MMP26: variants seen among roughly 807,000 people sequenced by gnomAD.
MMP26 encodes matrix metalloproteinase-26.
MMP26 carries 33 observed loss-of-function variants against 31.0 expected under a neutral mutation model. The observed-to-expected ratio is 1.06, with a 90% confidence interval of 0.81 to 1.42. The LOEUF (loss-of-function observed/expected upper bound fraction) is 1.42, where lower values mean the gene tolerates loss of function less well. Ranked by LOEUF, MMP26 falls within the 40% of genes most tolerant of loss-of-function variation. The pLI, the probability that MMP26 is intolerant of heterozygous loss-of-function variation, is 0.00. For synonymous variants in MMP26, 122 were observed against 114.9 expected, an observed-to-expected ratio of 1.06 and a Z score of -0.40; for missense variants, 347 against 316.1, an observed-to-expected ratio of 1.10 and a Z score of -0.74.
intron 2 of MMP26, chr11:4,882,613 A>T (rs748966361): frequency 4.3e-6 from 7 of 1,613,936 alleles, no homozygotes; most frequent in Non-Finnish European, 5.9e-6. Flanking sequence ...AGCAACAAAA[A>T]GCTCTCAGCA....
intron 2 of MMP26, among the ~76,000 whole-genome samples, chr11:4,795,558 C>T (rs1408120218): frequency 3.3e-5 from 5 of 152,120 alleles, no homozygotes; most frequent in African/African-American, 1.2e-4. Context: ...TAATGTTTAT[C>T]AATCACAAGC....
intron 1 of MMP26, among the ~76,000 whole-genome samples, chr11:4,707,801 T>C (rs74052047): frequency 0.014 from 2,178 of 152,326 alleles, 50 homozygotes; most frequent in African/African-American, 0.048. Flanking sequence ...ATTCATTCAT[T>C]TAATAGATAC....
At chr11:4,947,517 A>G (rs2133608345) in intron 2 of MMP26, 1 of 140,094 alleles carries the variant, frequency 7.1e-6, no homozygotes, top group Admixed American at 7.9e-5. Flanking sequence ...AATGAAAGCT[A>G]AATAAATGAG....
At chr11:4,961,379 G>T (rs965853531) in intron 2 of MMP26, among the ~76,000 whole-genome samples, 36 of 152,268 alleles carry the variant, frequency 2.4e-4, no homozygotes, top group Non-Finnish European at 1.2e-4. Flanking sequence ...GCAACATTGA[G>T]GGTAGATATT....
intron 2 of MMP26, among the ~76,000 whole-genome samples, chr11:4,767,941 C>A (rs1225289016): frequency 6.6e-6 from 1 of 152,080 alleles, no homozygotes; most frequent in Non-Finnish European, 1.5e-5. Context: ...AAAGAGTTAC[C>A]ATAAGTTCGT....
At chr11:4,811,057 T>C (rs1589908113) in intron 2 of MMP26, among the ~76,000 whole-genome samples, 1 of 152,176 alleles carries the variant, frequency 6.6e-6, no homozygotes, top group African/African-American at 2.4e-5. Flanking sequence ...TTTTCATCTA[T>C]CAGCCTACAA....
At position 4,911,900 on chromosome 11, in the gene MMP26, T is replaced by A. The variant is rs187103328; in HGVS notation, c.-144-76168T>A. On this transcript the variant is annotated intron_variant, in intron 2 of 7. Transcript: ENST00000380390. ...TTTTGCCCACTATATTCCTATAATG[T>A]GTGCTTAGAGAGAGAAGAACACTCA... Among the ~76,000 whole-genome samples the A allele has an allele frequency of 5.0e-4, 76 of 152,324 alleles. 1 individual carries two copies. Among genetic ancestry groups the A allele is most frequent in the African/African-American group, 1.6e-3 (65 of 41,592 alleles).
chr11:4,948,315 T>C (rs1447545231), intron 2 of MMP26, among the ~76,000 whole-genome samples: 1 of 124,980 alleles, frequency 8.0e-6, no homozygotes, highest in Non-Finnish European at 1.8e-5. Context: ...AATCTTGAAA[T>C]TTTTTAAATA....
chr11:4,946,753 G>A, intron 2 of MMP26: 4 of 1,588,426 alleles, frequency 2.5e-6, no homozygotes, highest in Non-Finnish European at 3.4e-6. Flanking sequence ...TGATCAGGAG[G>A]ACTGAGGACT....
intron 2 of MMP26, chr11:4,914,646 C>T (rs1851045228): frequency 1.0e-6 from 1 of 955,204 alleles, no homozygotes; most frequent in East Asian, 2.6e-5. Flanking sequence ...TTATTTTATG[C>T]ATGTTAGAAA....
chr11:4,925,763 G>A (rs1292251206), intron 2 of MMP26, among the ~76,000 whole-genome samples: 1 of 118,770 alleles, frequency 8.4e-6, no homozygotes, highest in African/African-American at 3.1e-5. Flanking sequence ...AGCCACCACT[G>A]TTAACTACAA....
In MMP26 at chr11:4,992,015, T is replaced by G. The variant is rs1238509139; in HGVS notation, c.647T>G (p.Leu216Arg). ...CATGAGATTGGGCATTCTTTGGGCCTGCAGCACTCTGGGAATCAGAGCTCC... is the reference window on the plus strand; with the variant it reads ...CATGAGATTGGGCATTCTTTGGGCCGGCAGCACTCTGGGAATCAGAGCTCC... ...ATHEIGHSLG[L>R]QHSGNQSSIM... Residue 216 changes from leucine to arginine, a missense_variant, in exon 7 of 8, where the codon CTG becomes CGG. Transcript: ENST00000380390. The G allele has an allele frequency of 1.2e-6, 2 of 1,613,906 alleles. No individual in the cohort carries two copies. Among genetic ancestry groups the G allele is most frequent in the Admixed American group, 3.3e-5 (2 of 59,962 alleles).
intron 2 of MMP26, among the ~76,000 whole-genome samples, chr11:4,780,389 G>T (rs1848842802): frequency 6.6e-6 from 1 of 152,074 alleles, no homozygotes; most frequent in Non-Finnish European, 1.5e-5. Context: ...ATATGTAGTG[G>T]TGTTATGTTA....
intron 2 of MMP26, chr11:4,803,566 G>A (rs1313005398): frequency 4.3e-6 from 7 of 1,613,830 alleles, no homozygotes; most frequent in Non-Finnish European, 5.9e-6. Flanking sequence ...TACAACTCGG[G>A]GCACATCATG....
chr11:4,789,616 C>G (rs974467199), intron 2 of MMP26, among the ~76,000 whole-genome samples: 1 of 134,144 alleles, frequency 7.5e-6, no homozygotes, highest in Non-Finnish European at 1.5e-5. Flanking sequence ...TCTCGGCTCA[C>G]TGCAACCTCT....
chr11:4,761,471 G>A (rs371384646), intron 1 of MMP26, among the ~76,000 whole-genome samples: 9 of 152,274 alleles, frequency 5.9e-5, no homozygotes, highest in Non-Finnish European at 5.9e-5. Context: ...GCTGGGATAA[G>A]TGTGCCTCTG....
chr11:4,767,444 C>T (rs1044563225), intron 2 of MMP26, 103 bp downstream of exon 2: 2 of 152,114 alleles, frequency 1.3e-5, no homozygotes, highest in Non-Finnish European at 2.9e-5. Flanking sequence ...TTTTAACCTT[C>T]GTGAGTGCAC....
At position 4,905,386 on chromosome 11, in the gene MMP26, T is replaced by C. The variant is rs1451924440; in HGVS notation, c.-144-82682T>C. Among the ~76,000 whole-genome samples, 4 of 152,162 alleles carry C rather than the reference T, an allele frequency of 2.6e-5. No individual in the cohort carries two copies. In the South Asian group the frequency reaches 8.3e-4, roughly 32 times the overall value. ...TAGTACCTAGCAAAAGTAAAATATA[T>C]TGGCCCAAGGCTGCTTGTTATTTAC... On this transcript the variant is annotated intron_variant, in intron 2 of 7. Transcript: ENST00000380390.
At chr11:4,939,709 AC>A (rs1226169147) in intron 2 of MMP26, among the ~76,000 whole-genome samples, 1 of 152,058 alleles carries the variant, frequency 6.6e-6, no homozygotes, top group African/African-American at 2.4e-5. Flanking sequence ...TTGTTGAGAG[AC>A]TTTTTCCTTC....
Sources: gnomAD v4.1 joint callset for allele counts (sites outside exome capture counted in the v4.1 genomes callset) on GRCh38, gnomAD v4.1.1 for gene constraint, MANE v1.5 for transcripts, NCBI Gene and HGNC (gene_info 2026-07-23, HGNC 2026-07-21) for gene names.